The following CRACR2A variants were observed in gnomAD, a reference collection of about 807,000 sequenced individuals.
CRACR2A encodes the protein EF-hand calcium-binding domain-containing protein 4B.
In CRACR2A, 79 loss-of-function variants were observed where a neutral mutation model predicts 90.5. That is an observed-to-expected ratio of 0.87 (90% CI 0.73 to 1.05). The LOEUF (loss-of-function observed/expected upper bound fraction) is 1.05, where lower values mean the gene tolerates loss of function less well. CRACR2A is among the 50% of genes least tolerant of loss of function. CRACR2A has a pLI of 0.00. For missense variants in CRACR2A, 823 were observed against 897.2 expected (o/e 0.92, Z 1.06); for synonymous variants, 338 against 356.7 (o/e 0.95, Z 0.59).
chr12:3,637,710 T>C (rs1439470170), intron 14 of CRACR2A, among the ~76,000 whole-genome samples: 2 of 152,074 alleles, frequency 1.3e-5, no homozygotes, highest in African/African-American at 4.8e-5. Context: ...AGGATTAGTT[T>C]AGATTGTATG....
intron 8 of CRACR2A, among the ~76,000 whole-genome samples, chr12:3,658,290 T>C (rs1359861530): frequency 6.6e-6 from 1 of 152,036 alleles, no homozygotes; most frequent in African/African-American, 2.4e-5. Context: ...TGACCTATAG[T>C]CATGGCCCAG....
chr12:3,732,453 A>T (rs1946375279), intron 2 of CRACR2A: 1 of 152,226 alleles, frequency 6.6e-6, no homozygotes, highest in Non-Finnish European at 1.5e-5. Flanking sequence ...ACTGCATCTC[A>T]TTTCGCTGCT....
intron 1 of CRACR2A, among the ~76,000 whole-genome samples, 191 bp from the exon 2 acceptor site, chr12:3,733,401 C>T (rs1227034609): frequency 6.6e-6 from 1 of 152,202 alleles, no homozygotes; most frequent in Non-Finnish European, 1.5e-5. Context: ...AGCTCAGAGG[C>T]CTCATCCAGC....
At chr12:3,626,540 C>G (rs1165893320) in intron 17 of CRACR2A, among the ~76,000 whole-genome samples, 3 of 152,158 alleles carry the variant, frequency 2.0e-5, no homozygotes, top group African/African-American at 7.2e-5. Context: ...AGGGCAGGAG[C>G]TTTGTCTCTT....
At chr12:3,686,537 G>T (rs1481972891) in intron 4 of CRACR2A, among the ~76,000 whole-genome samples, 1 of 152,092 alleles carries the variant, frequency 6.6e-6, no homozygotes, top group Non-Finnish European at 1.5e-5. Flanking sequence ...GGGCTTTTGA[G>T]GCTCTAGGTT....
chr12:3,645,183 T>C (rs1296328607), intron 11 of CRACR2A, among the ~76,000 whole-genome samples: 1 of 152,164 alleles, frequency 6.6e-6, no homozygotes, highest in Non-Finnish European at 1.5e-5. Context: ...AGCAGGAAAG[T>C]GGAGTAAAAG....
At chr12:3,701,757 T>C (rs1945837936) in intron 3 of CRACR2A, among the ~76,000 whole-genome samples, 1 of 152,104 alleles carries the variant, frequency 6.6e-6, no homozygotes, top group Non-Finnish European at 1.5e-5. Context: ...GAATAAGTAA[T>C]ACCAATTCTA....
At chr12:3,666,169 A>C (rs1945131247) in intron 7 of CRACR2A, among the ~76,000 whole-genome samples, 1 of 152,230 alleles carries the variant, frequency 6.6e-6, no homozygotes, top group African/African-American at 2.4e-5. Flanking sequence ...GAGGGGAGAG[A>C]GTACCAGTGA....
intron 15 of CRACR2A, among the ~76,000 whole-genome samples, chr12:3,630,961 C>G (rs939249827): frequency 5.9e-5 from 9 of 152,368 alleles, no homozygotes; most frequent in African/African-American, 2.2e-4. Flanking sequence ...AGCCCTGCCA[C>G]TGTGCTGTAG....
At chr12:3,745,790 T>TAAA (rs1201696411) in intron 1 of CRACR2A, among the ~76,000 whole-genome samples, 2 of 9,458 alleles carry the variant, frequency 2.1e-4, no homozygotes, top group South Asian at 0.011. Flanking sequence ...AAAAATAAAA[T>TAAA]AAAATAAAAT....
At chr12:3,628,518 A>T (rs1944319412) in intron 15 of CRACR2A, among the ~76,000 whole-genome samples, 1 of 152,080 alleles carries the variant, frequency 6.6e-6, no homozygotes, top group Non-Finnish European at 1.5e-5. Context: ...CAGGGGTGTG[A>T]CCCTACCTGG....
Position 3,638,464 on chromosome 12 carries a change from C to G in CRACR2A, c.1272-10G>C, listed in dbSNP as rs1489261796. ...CTCCTCCTCTGACTGGCTACTGGGGCGGGGAAGAGAGAAGAGTTGGGAGGA... is the reference window on the plus strand; with the variant it reads ...CTCCTCCTCTGACTGGCTACTGGGGGGGGGAAGAGAGAAGAGTTGGGAGGA... On this transcript the variant is annotated splice_polypyrimidine_tract_variant and intron_variant, in intron 13 of 19. Transcript: ENST00000440314. The G allele has an allele frequency of 6.6e-7, 1 of 1,524,476 alleles. No homozygotes were observed. Among genetic ancestry groups the G allele is most frequent in the East Asian group, 2.5e-5 (1 of 40,482 alleles). The allele number at this position is 1,524,476 out of a possible 1,614,324, so 94.4% of individuals were successfully genotyped here. A position where few individuals can be genotyped will look rare whatever the true frequency, so the allele number is the denominator to read the frequency against.
At chr12:3,697,254 C>A (rs71579243) in intron 3 of CRACR2A, among the ~76,000 whole-genome samples, 1 of 152,022 alleles carries the variant, frequency 6.6e-6, no homozygotes, top group East Asian at 1.9e-4. Context: ...GGGAAGAGTG[C>A]GGAAAGAAGA....
intron 6 of CRACR2A, among the ~76,000 whole-genome samples, chr12:3,674,779 T>C (rs1174968173): frequency 6.6e-6 from 1 of 152,220 alleles, no homozygotes; most frequent in African/African-American, 2.4e-5. Flanking sequence ...TTTTTTCACA[T>C]CTATATAACA....
In CRACR2A at chr12:3,633,617, C is replaced by A; in HGVS notation, c.1722G>T (p.Met574Ile). The A allele has an allele frequency of 6.4e-7, 1 of 1,551,714 alleles. No individual in the cohort carries two copies. Among genetic ancestry groups the A allele is most frequent in the Non-Finnish European group, 8.7e-7 (1 of 1,147,000 alleles). ...ATGAGAACTCACCCACAGTGGCCGC[C>A]ATGCCTGGGGAGAACCGGTCCTCAC... is the stretch of plus-strand genomic sequence containing the variant. ...RFCEDRFSPG[M>I]AATVGIDYRV... The change falls in exon 15 of 20, where the codon ATG (methionine) becomes ATT (isoleucine). Residue 574 changes from methionine to isoleucine, a missense_variant. Coordinates refer to ENST00000440314, the MANE Select transcript of CRACR2A (RefSeq NM_001144958.2). This position sits in a 1 kb window ranked among gnomAD's most constrained non-coding sequence, Gnocchi z 4.5.
intron 12 of CRACR2A, among the ~76,000 whole-genome samples, chr12:3,644,353 C>A (rs1171208704): frequency 6.6e-6 from 1 of 152,128 alleles, no homozygotes; most frequent in Non-Finnish European, 1.5e-5. Flanking sequence ...ATGTGCGACC[C>A]TCCCAAATAT....
At chr12:3,679,401 G>C (rs1203515096) in intron 5 of CRACR2A, among the ~76,000 whole-genome samples, 3 of 152,192 alleles carry the variant, frequency 2.0e-5, no homozygotes, top group South Asian at 4.2e-4. Flanking sequence ...CATCTCCGTT[G>C]ATTTCTTCTT....
chr12:3,620,995 G>A (rs1360389534), intron 17 of CRACR2A, among the ~76,000 whole-genome samples: 1 of 152,244 alleles, frequency 6.6e-6, no homozygotes, highest in African/African-American at 2.4e-5. Flanking sequence ...ACCGTGCTGT[G>A]CCACGGGATA....
At chr12:3,706,855 C>T in intron 3 of CRACR2A, among the ~76,000 whole-genome samples, 1 of 152,220 alleles carries the variant, frequency 6.6e-6, no homozygotes, top group East Asian at 1.9e-4. Flanking sequence ...CCACCTGCCT[C>T]AGCCTCCCAA....
Sources: allele counts gnomAD v4.1 joint callset (sites outside exome capture counted in the v4.1 genomes callset), GRCh38; gene constraint gnomAD v4.1.1; non-coding constraint Gnocchi (gnomAD v3.1); transcripts MANE v1.5; gene names NCBI Gene and HGNC (gene_info 2026-07-23, HGNC 2026-07-21).